Variants in MYRFL observed in about 807,000 individuals in gnomAD.
MYRFL encodes the protein myelin regulatory factor-like protein.
Under a neutral mutation model 109.4 loss-of-function variants are expected in MYRFL, and 88 were observed. That is an observed-to-expected ratio of 0.80 (90% CI 0.68 to 0.96). The LOEUF (loss-of-function observed/expected upper bound fraction) is 0.96, where lower values mean the gene tolerates loss of function less well. Among genes scored for constraint, MYRFL ranks in the 40% least tolerant of loss-of-function variants. The probability of loss-of-function intolerance (pLI) is 0.00; values close to 1 mark genes in which losing one functional copy is unlikely to be tolerated. For missense variants in MYRFL, 957 were observed against 954.9 expected, an observed-to-expected ratio of 1.00 and a Z score of -0.03; for synonymous variants, 324 against 320.9, an observed-to-expected ratio of 1.01 and a Z score of -0.10.
intron 13 of MYRFL, 137 bp from the exon 14 acceptor site, chr12:69,926,434 T>C (rs1185223436): frequency 7.7e-6 from 5 of 653,460 alleles, no homozygotes; most frequent in African/African-American, 7.5e-5. Context: ...CAGATTTATC[T>C]TGAATGAACT....
At chr12:69,860,537 T>A (rs1266945987) in intron 2 of MYRFL, among the ~76,000 whole-genome samples, 1 of 152,150 alleles carries the variant, frequency 6.6e-6, no homozygotes, top group Admixed American at 6.5e-5. Flanking sequence ...CTGTCTCAAC[T>A]TAGACAATTT....
chr12:69,898,609 A>G (rs925671516), intron 10 of MYRFL, among the ~76,000 whole-genome samples: 5 of 152,228 alleles, frequency 3.3e-5, no homozygotes, highest in Non-Finnish European at 5.9e-5. Flanking sequence ...AAAGTCTGGA[A>G]ACCCAGGTTG....
chr12:69,828,793 T>C (rs1186751008), intron 1 of MYRFL, among the ~76,000 whole-genome samples: 4 of 152,154 alleles, frequency 2.6e-5, no homozygotes, highest in Admixed American at 2.6e-4. Flanking sequence ...GCTATAATCT[T>C]AGACTCTTAA....
intron 1 of MYRFL, among the ~76,000 whole-genome samples, chr12:69,849,170 C>T (rs1883739111): frequency 6.6e-6 from 1 of 152,240 alleles, no homozygotes; most frequent in Non-Finnish European, 1.5e-5. Flanking sequence ...TTGCGCCCAG[C>T]CAACACTGGG....
rs144312693 is a variant in MYRFL, at chr12:69,886,807, T to A, written c.557-13T>A. ...CCTGGAAGGAAGGCTCTGACGCACC[T>A]GTTTCTTTGCAGTGACAAGTAGGAG... On this transcript the variant is annotated splice_polypyrimidine_tract_variant and intron_variant, in intron 5 of 24. Transcript: ENST00000552032. 2.0e-5 allele frequency: 30 copies of A among 1,535,682 alleles called. No homozygotes were observed. The East Asian group carries it at 7.1e-4, about 36-fold the overall frequency.
At chr12:69,861,351 T>G (rs1442153317) in intron 2 of MYRFL, among the ~76,000 whole-genome samples, 1 of 152,216 alleles carries the variant, frequency 6.6e-6, no homozygotes, top group South Asian at 2.1e-4. Context: ...TGAACTAGTT[T>G]ACATTCCTAC....
At chr12:69,900,588 GCAGA>G (rs1260278860) in intron 10 of MYRFL, among the ~76,000 whole-genome samples, 27 of 152,260 alleles carry the variant, frequency 1.8e-4, no homozygotes, top group Non-Finnish European at 3.1e-4. Flanking sequence ...AGTAGCACCA[GCAGA>G]GAGTATTTCT....
chr12:69,880,404 A>T, intron 5 of MYRFL, 112 bp downstream of exon 5: 1 of 600,368 alleles, frequency 1.7e-6, no homozygotes, highest in Non-Finnish European at 3.0e-6. Context: ...CTCACAGAAG[A>T]GCAATGATAA....
chr12:69,897,916 T>A (rs1474600481), intron 10 of MYRFL, among the ~76,000 whole-genome samples: 1 of 152,078 alleles, frequency 6.6e-6, no homozygotes, highest in East Asian at 1.9e-4. Context: ...TGCAGCGGAG[T>A]CTTGGCAGGC....
At chr12:69,944,561 C>A (rs889575339) in intron 19 of MYRFL, among the ~76,000 whole-genome samples, 3 of 149,534 alleles carry the variant, frequency 2.0e-5, no homozygotes, top group Non-Finnish European at 4.4e-5. Flanking sequence ...GGAGGGATAG[C>A]ATTGGGAGAT....
At chr12:69,830,804 A>G (rs1348414596) in intron 1 of MYRFL, among the ~76,000 whole-genome samples, 1 of 152,096 alleles carries the variant, frequency 6.6e-6, no homozygotes, top group East Asian at 1.9e-4. Flanking sequence ...TGCCCACGCT[A>G]CCTTTGAGAC....
At chr12:69,856,279 A>G (rs1053501660) in intron 2 of MYRFL, among the ~76,000 whole-genome samples, 3 of 152,194 alleles carry the variant, frequency 2.0e-5, no homozygotes, top group African/African-American at 7.2e-5. Flanking sequence ...TTAAGTGATT[A>G]TAACAGCTTG....
rs1955475039 is a variant in MYRFL at position 69,936,540 on chromosome 12, ATT to A, written c.2133_2134del (p.Tyr711Ter). On this transcript the variant is annotated stop_gained and frameshift_variant, in exon 19 of 25. Transcript: ENST00000552032. LOFTEE classifies it high-confidence loss of function. ...GAAATCCTGCCGTGTCAGGAGACTT[ATT>A]GCTGCCCCATCCGGGGAATGAAAGA... 1.3e-6 allele frequency: 2 copies of A among 1,536,016 alleles called. 1 individual carries two copies. The highest frequency in any genetic ancestry group is 2.4e-5 in the South Asian group (2 of 84,068).
At chr12:69,829,698 C>A (rs912713497) in intron 1 of MYRFL, among the ~76,000 whole-genome samples, 1 of 151,998 alleles carries the variant, frequency 6.6e-6, no homozygotes, top group Non-Finnish European at 1.5e-5. Flanking sequence ...CAGAATGGTC[C>A]GGTGAATAGA....
At position 69,903,838 on chromosome 12, in the gene MYRFL, C is replaced by A; in HGVS notation, c.1377C>A (p.Ile459=). The change falls in exon 11 of 25, where the codon ATC becomes ATA. Residue 459 remains isoleucine, a synonymous_variant. Coordinates refer to ENST00000552032, the MANE Select transcript of MYRFL (RefSeq NM_182530.3). ...HPSDSRAKQN[I]QEVDTNEQLK... ...CTGACAGCCGGGCAAAGCAGAATAT[C>A]CAGGAGGTGAGCACAGATTCAGGCC... 6.5e-7 allele frequency: 1 copy of A among 1,529,442 alleles called. No homozygotes were observed. The highest frequency in any genetic ancestry group is 1.2e-5 in the South Asian group (1 of 83,126). The allele number at this position is 1,529,442 out of a possible 1,614,324, so 94.7% of individuals were successfully genotyped here.
At chr12:69,947,449 A>G (rs1229679398) in intron 19 of MYRFL, among the ~76,000 whole-genome samples, 1 of 152,170 alleles carries the variant, frequency 6.6e-6, no homozygotes, top group Non-Finnish European at 1.5e-5. Context: ...CTCACTTAAT[A>G]AAAAGTTTGG....
chr12:69,880,735 A>G lies in MYRFL; in HGVS notation c.556+443A>G, dbSNP rs75942647. Among the ~76,000 whole-genome samples, 301 of 152,302 alleles carry G rather than the reference A, an allele frequency of 2.0e-3. 1 individual carries two copies. Among genetic ancestry groups the G allele is most frequent in the Non-Finnish European group, 3.8e-3 (256 of 68,030 alleles). On this transcript the variant is annotated intron_variant, in intron 5 of 24. Coordinates refer to ENST00000552032, the MANE Select transcript of MYRFL (RefSeq NM_182530.3). ...TCTAGGGTCTGAGTTCTGCATTTCT[A>G]ACAAGCTCCCAGGTGATGGCGATGC...
chr12:69,891,637 T>TTCTCTTTCTTTCTTTCTTTCTTTCTTTTC, intron 7 of MYRFL, among the ~76,000 whole-genome samples: 9 of 53,776 alleles, frequency 1.7e-4, no homozygotes, highest in Admixed American at 2.6e-4. Context: ...CTTCCTTTCT[T>TTCTCTTTCTTTCTTTCTTTCTTTCTTTTC]TTTCTTTCTT....
chr12:69,891,219 G>A, intron 7 of MYRFL, 53 bp downstream of exon 7: 1 of 1,283,080 alleles, frequency 7.8e-7, no homozygotes, highest in African/African-American at 1.5e-5. Context: ...TTTTGTTTCA[G>A]TTGTCTATTG....
Sources: gnomAD v4.1 joint callset for allele counts (sites outside exome capture counted in the v4.1 genomes callset) on GRCh38, gnomAD v4.1.1 for gene constraint, MANE v1.5 for transcripts, NCBI Gene and HGNC (gene_info 2026-07-23, HGNC 2026-07-21) for gene names.